The following KCNIP4 variants were observed in gnomAD, a reference collection of about 807,000 sequenced individuals.
The protein encoded by KCNIP4 is potassium voltage-gated channel interacting protein 4.
In KCNIP4, 12 loss-of-function variants were observed where a neutral mutation model predicts 34.0. The ratio of observed to expected loss-of-function variants is 0.35; its 90% confidence interval spans 0.23 to 0.57. The LOEUF is 0.57. Among genes scored for constraint, KCNIP4 ranks in the 20% least tolerant of loss-of-function variants. KCNIP4 has a pLI of 0.83. For synonymous variants in KCNIP4, 124 were observed against 102.2 expected (o/e 1.21, Z -1.29); for missense variants, 238 against 311.7 (o/e 0.76, Z 1.78).
At chr4:21,049,230 G>A (rs943737813) in intron 1 of KCNIP4, among the ~76,000 whole-genome samples, 7 of 152,040 alleles carry the variant, frequency 4.6e-5, no homozygotes, top group Non-Finnish European at 7.4e-5. Context: ...GATTACAGGC[G>A]TGAGCCACCG....
chr4:21,499,390 C>T (rs16871238), intron 1 of KCNIP4, among the ~76,000 whole-genome samples: 5,525 of 150,628 alleles, frequency 0.037, 313 homozygotes, highest in African/African-American at 0.12. Context: ...ATCGCTTCCA[C>T]GTTTTTTATT....
intron 3 of KCNIP4, among the ~76,000 whole-genome samples, chr4:20,839,367 T>C (rs1719446780): frequency 6.6e-6 from 1 of 151,714 alleles, no homozygotes; most frequent in South Asian, 2.1e-4. Flanking sequence ...AGCAAATATC[T>C]ACCTATAGAC....
At chr4:21,686,618 A>C (rs968513325) in intron 1 of KCNIP4, among the ~76,000 whole-genome samples, 1 of 152,172 alleles carries the variant, frequency 6.6e-6, no homozygotes, top group Non-Finnish European at 1.5e-5. Flanking sequence ...AATATACAGG[A>C]CCTACCCCAT....
At chr4:21,634,782 A>G (rs374856248) in intron 1 of KCNIP4, among the ~76,000 whole-genome samples, 9 of 152,296 alleles carry the variant, frequency 5.9e-5, no homozygotes, top group African/African-American at 2.2e-4. Flanking sequence ...TAAATTTACA[A>G]AATGGTAAAG....
At chr4:21,139,993 A>G (rs891274273) in intron 1 of KCNIP4, among the ~76,000 whole-genome samples, 3 of 152,156 alleles carry the variant, frequency 2.0e-5, no homozygotes, top group Admixed American at 2.0e-4. Flanking sequence ...ATCAAGTCAA[A>G]GTTACAGGAT....
chr4:21,053,549 C>T (rs1465229974), intron 1 of KCNIP4, among the ~76,000 whole-genome samples: 1 of 152,082 alleles, frequency 6.6e-6, no homozygotes, highest in Non-Finnish European at 1.5e-5. Context: ...AAAATGTAAA[C>T]ACCTTGTAAA....
intron 1 of KCNIP4, among the ~76,000 whole-genome samples, chr4:21,558,699 A>G (rs1560515738): frequency 6.6e-6 from 1 of 152,152 alleles, no homozygotes; most frequent in East Asian, 1.9e-4. Flanking sequence ...TACAATGATC[A>G]AAGTGATGAT....
intron 1 of KCNIP4, among the ~76,000 whole-genome samples, chr4:20,910,840 G>C (rs557955059): frequency 6.6e-6 from 1 of 152,240 alleles, no homozygotes; most frequent in South Asian, 2.1e-4. Flanking sequence ...CTCTAGCCCC[G>C]TTATGCCCCT....
At chr4:21,609,303 T>C (rs1293044668) in intron 1 of KCNIP4, among the ~76,000 whole-genome samples, 2 of 152,202 alleles carry the variant, frequency 1.3e-5, no homozygotes, top group Non-Finnish European at 2.9e-5. Context: ...ACTGATATTA[T>C]GTATTGGTCA....
intron 3 of KCNIP4, among the ~76,000 whole-genome samples, chr4:20,819,202 C>T (rs1665036178): frequency 2.0e-5 from 3 of 152,084 alleles, no homozygotes; most frequent in Admixed American, 6.6e-5. Flanking sequence ...TTATGATATA[C>T]ACAAACACTA....
chr4:21,582,253 G>A (rs1359497042), intron 1 of KCNIP4: 2 of 151,936 alleles, frequency 1.3e-5, no homozygotes, highest in Non-Finnish European at 2.9e-5. Context: ...CATTGGGCAG[G>A]ATGATGTCCA....
intron 1 of KCNIP4, among the ~76,000 whole-genome samples, chr4:20,931,391 T>G (rs1414809628): frequency 6.6e-6 from 1 of 152,112 alleles, no homozygotes; most frequent in East Asian, 1.9e-4. Flanking sequence ...CAACATCATT[T>G]GCTGATTTTG....
In KCNIP4 at chr4:21,654,758, C is replaced by T. The variant is rs200913202; in HGVS notation, c.61+293813G>A. 7.9e-5 allele frequency among the ~76,000 whole-genome samples: 12 copies of T among 152,110 alleles called. No homozygotes were observed. In the East Asian group the frequency reaches 2.1e-3, roughly 27 times the overall value. On this transcript the variant is annotated intron_variant, in intron 1 of 8. Transcript: ENST00000382152. ...CTAACATGGTGAAACCCCGTCTCTA[C>T]TAAAAAATACAAAAAATTAGTCGGG...
chr4:21,281,641 C>T (rs143717991), intron 1 of KCNIP4, among the ~76,000 whole-genome samples: 3 of 152,242 alleles, frequency 2.0e-5, no homozygotes, highest in African/African-American at 4.8e-5. Flanking sequence ...GTCTTTGAGA[C>T]CCTGAATTTA....
chr4:21,453,352 C>T (rs1425962286), intron 1 of KCNIP4, among the ~76,000 whole-genome samples: 1 of 152,066 alleles, frequency 6.6e-6, no homozygotes, highest in Non-Finnish European at 1.5e-5. Context: ...ACCTAGTGAA[C>T]ATAATCTCAT....
At chr4:21,315,297 G>A (rs572011668) in intron 1 of KCNIP4, 25 of 157,088 alleles carry the variant, frequency 1.6e-4, no homozygotes, top group Non-Finnish European at 2.7e-4. Context: ...TGAAGATGAC[G>A]AAGATGAAAG....
intron 1 of KCNIP4, among the ~76,000 whole-genome samples, chr4:21,418,321 A>G (rs879758386): frequency 2.6e-5 from 4 of 152,092 alleles, no homozygotes; most frequent in Admixed American, 1.3e-4. Flanking sequence ...TATAATAGGT[A>G]TTGTACCATT....
intron 1 of KCNIP4, among the ~76,000 whole-genome samples, chr4:21,704,861 A>G (rs1198156129): frequency 1.3e-5 from 2 of 152,078 alleles, no homozygotes; most frequent in African/African-American, 4.8e-5. Context: ...ATTGTACTCC[A>G]GAGCATTTAT....
intron 1 of KCNIP4, among the ~76,000 whole-genome samples, chr4:21,276,559 G>T (rs987849909): frequency 5.3e-5 from 8 of 152,016 alleles, no homozygotes; most frequent in Admixed American, 4.6e-4. Context: ...TGGTAATAGT[G>T]CTGACAAGTG....
Sources: gnomAD v4.1 joint callset for allele counts (sites outside exome capture counted in the v4.1 genomes callset) on GRCh38, gnomAD v4.1.1 for gene constraint, MANE v1.5 for transcripts, NCBI Gene and HGNC (gene_info 2026-07-23, HGNC 2026-07-21) for gene names.